KIAA1217: variants seen among roughly 807,000 people sequenced by gnomAD.
KIAA1217 encodes the protein KIAA1217, also known as sickle tail protein homolog.
Under a neutral mutation model 163.9 loss-of-function variants are expected in KIAA1217, and 88 were observed. The ratio of observed to expected loss-of-function variants is 0.54; its 90% CI spans 0.45 to 0.64. The LOEUF (loss-of-function observed/expected upper bound fraction) is 0.64, where lower values mean the gene tolerates loss of function less well. Ranked by LOEUF, KIAA1217 falls within the 30% of genes least tolerant of loss-of-function variation. The pLI, the probability that KIAA1217 is intolerant of heterozygous loss-of-function variation, is 0.00. For synonymous variants in KIAA1217, 903 were observed against 923.1 expected, an observed-to-expected ratio of 0.98 and a Z score of 0.39; for missense variants, 2,372 against 2,475.0, an observed-to-expected ratio of 0.96 and a Z score of 0.88.
intron 15 of KIAA1217, among the ~76,000 whole-genome samples, chr10:24,532,291 G>T (rs2073238652): frequency 6.6e-6 from 1 of 152,222 alleles, no homozygotes; most frequent in Admixed American, 6.5e-5. Flanking sequence ...GGAAACGCAA[G>T]AAAGATTATC....
chr10:23,823,116 A>G (rs1309098704), intron 1 of KIAA1217, among the ~76,000 whole-genome samples: 1 of 152,156 alleles, frequency 6.6e-6, no homozygotes, highest in Non-Finnish European at 1.5e-5. Context: ...GTCATGCTTC[A>G]CCTGGATCCT....
At chr10:23,997,419 G>A (rs572850206) in intron 1 of KIAA1217, among the ~76,000 whole-genome samples, 11 of 152,184 alleles carry the variant, frequency 7.2e-5, no homozygotes, top group Admixed American at 6.5e-4. Flanking sequence ...TAATTACTTT[G>A]GCTAACTCAC....
At chr10:24,323,688 G>C (rs952412025) in intron 2 of KIAA1217, among the ~76,000 whole-genome samples, 3 of 152,036 alleles carry the variant, frequency 2.0e-5, no homozygotes, top group African/African-American at 7.2e-5. Context: ...GAAGGAAGAA[G>C]ATATTGATTG....
chr10:24,154,982 G>C (rs574988646), intron 2 of KIAA1217, among the ~76,000 whole-genome samples: 11 of 151,416 alleles, frequency 7.3e-5, no homozygotes, highest in African/African-American at 2.7e-4. Context: ...CTGGGGAAAA[G>C]GGAATGGGGA....
chr10:23,957,786 A>G (rs1844635519), intron 1 of KIAA1217, among the ~76,000 whole-genome samples: 2 of 152,148 alleles, frequency 1.3e-5, no homozygotes, highest in South Asian at 2.1e-4. Flanking sequence ...CCATCCAGGC[A>G]TACACCTTTG....
chr10:24,282,320 C>T (rs2078041043), intron 2 of KIAA1217, among the ~76,000 whole-genome samples: 2 of 152,140 alleles, frequency 1.3e-5, no homozygotes, highest in Admixed American at 6.6e-5. Flanking sequence ...AGGTCACACA[C>T]ACCCCCACCT....
At chr10:23,923,657 A>C (rs1336300308) in intron 1 of KIAA1217, among the ~76,000 whole-genome samples, 1 of 152,140 alleles carries the variant, frequency 6.6e-6, no homozygotes, top group Non-Finnish European at 1.5e-5. Context: ...TCACCACTAA[A>C]AGCTTAAAAA....
chr10:24,401,638 C>T lies in KIAA1217; in HGVS notation c.553+20571C>T, dbSNP rs76510164. ...GCATCTACCAGAAACCTACAGCCAA[C>T]ATCATACTTTCCCTCTAAGATAGGG... On this transcript the variant is annotated intron_variant, in intron 3 of 20. Coordinates refer to ENST00000376454, the MANE Select transcript of KIAA1217 (RefSeq NM_019590.5). Among the ~76,000 whole-genome samples, 1,242 of 152,320 alleles carry T rather than the reference C, an allele frequency of 8.2e-3. 18 individuals are homozygous for T. The highest frequency in any genetic ancestry group is 0.028 in the African/African-American group (1,155 of 41,570).
At chr10:24,187,242 C>T (rs2066479638) in intron 2 of KIAA1217, among the ~76,000 whole-genome samples, 1 of 152,154 alleles carries the variant, frequency 6.6e-6, no homozygotes, top group African/African-American at 2.4e-5. Context: ...GGTCCGCTGC[C>T]TCCCTTTCTC....
chr10:23,925,186 A>G (rs945245458), intron 1 of KIAA1217, among the ~76,000 whole-genome samples: 3 of 151,980 alleles, frequency 2.0e-5, no homozygotes, highest in Admixed American at 1.3e-4. Flanking sequence ...GAGGAAAAAC[A>G]GCAGCAATGT....
At chr10:24,092,211 T>C (rs2061962352) in intron 2 of KIAA1217, among the ~76,000 whole-genome samples, 1 of 151,746 alleles carries the variant, frequency 6.6e-6, no homozygotes. Flanking sequence ...TGCTTCCCTG[T>C]GTCAGCTGAA....
chr10:24,039,347 G>C (rs112305507), intron 2 of KIAA1217, among the ~76,000 whole-genome samples: 4,226 of 152,150 alleles, frequency 0.028, 101 homozygotes, highest in Non-Finnish European at 0.042. Context: ...TTTACAATGG[G>C]GGAAACAATA....
intron 1 of KIAA1217, among the ~76,000 whole-genome samples, chr10:23,719,546 A>G (rs184600802): frequency 3.3e-5 from 5 of 150,636 alleles, no homozygotes; most frequent in African/African-American, 7.5e-5. Flanking sequence ...ATGCCACTGC[A>G]CTCCAGCCTG....
At position 24,545,737 on chromosome 10, in the gene KIAA1217, T is replaced by C. The variant is rs554928826; in HGVS notation, c.5335-90T>C. 40 of 1,520,284 alleles carry C rather than the reference T, an allele frequency of 2.6e-5. No homozygotes were observed. In the Admixed American group the frequency reaches 6.6e-4, roughly 25 times the overall value. 94.2% of individuals were successfully genotyped at this position (1,520,284 alleles called of 1,614,324 possible). The stretch of plus-strand genomic sequence containing the variant: ...TTTGGTTGGTTTTCTTTGATTGAAT[T>C]ATTCTCAGAAGGGCTGTGTTGCCAG... On this transcript the variant is annotated intron_variant, in intron 20 of 20. Coordinates refer to ENST00000376454, the MANE Select transcript of KIAA1217 (RefSeq NM_019590.5).
At chr10:24,011,871 C>T (rs755699670) in intron 2 of KIAA1217, among the ~76,000 whole-genome samples, 6 of 152,062 alleles carry the variant, frequency 3.9e-5, no homozygotes, top group Non-Finnish European at 7.4e-5. Flanking sequence ...TGCCACAGAA[C>T]AAAGGCTTTT....
rs1365507064 is a variant in KIAA1217 at position 24,088,134 on chromosome 10, C to T, written c.-171+80760C>T. Among the ~76,000 whole-genome samples, 4 of 122,450 alleles carry T rather than the reference C, an allele frequency of 3.3e-5. 2 individuals carry two copies. Among genetic ancestry groups the T allele is most frequent in the Admixed American group, 1.6e-4 (2 of 12,488 alleles). The allele number at this position is 122,450 out of a possible 152,430, so 80.3% of individuals were successfully genotyped here. A position where few individuals can be genotyped will look rare whatever the true frequency, so the allele number is the denominator to read the frequency against. On this transcript the variant is annotated intron_variant, in intron 2 of 18. Transcript: ENST00000376462. Reference sequence around the variant, plus strand: ...TTATGTAGATAATGAGTTCTTTTTTCATGCAGAAGAAGCTAATGACTTTGA... The same window carrying T: ...TTATGTAGATAATGAGTTCTTTTTTTATGCAGAAGAAGCTAATGACTTTGA...
chr10:24,445,813 C>CTAT (rs1564693734), intron 5 of KIAA1217, among the ~76,000 whole-genome samples: 2 of 152,044 alleles, frequency 1.3e-5, no homozygotes, highest in Admixed American at 1.3e-4. Context: ...CAAGTCTTTG[C>CTAT]TATTGTGAAT....
At chr10:23,810,890 C>A (rs1475415967) in intron 1 of KIAA1217, among the ~76,000 whole-genome samples, 1 of 118,440 alleles carries the variant, frequency 8.4e-6, no homozygotes, top group South Asian at 2.4e-4. Flanking sequence ...GTATACATAT[C>A]ATATAGTATA....
At chr10:23,885,770 T>A (rs2131201113) in intron 1 of KIAA1217, among the ~76,000 whole-genome samples, 1 of 151,902 alleles carries the variant, frequency 6.6e-6, no homozygotes, top group South Asian at 2.1e-4. Context: ...GACAGAGCAA[T>A]GGGAAAAGGA....
Sources: allele counts gnomAD v4.1 joint callset (sites outside exome capture counted in the v4.1 genomes callset), GRCh38; gene constraint gnomAD v4.1.1; transcripts MANE v1.5; gene names NCBI Gene and HGNC (gene_info 2026-07-23, HGNC 2026-07-21).